Variants in GANAB observed in about 807,000 individuals in gnomAD.
GANAB encodes the protein neutral alpha-glucosidase AB.
Under a neutral mutation model 129.9 loss-of-function variants are expected in GANAB, and 35 were observed. The ratio of observed to expected loss-of-function variants is 0.27; its 90% CI spans 0.21 to 0.36. The LOEUF is 0.36. GANAB is among the 10% of genes least tolerant of loss of function. The pLI is 1.00. For synonymous variants in GANAB, 482 were observed against 451.8 expected (o/e 1.07, Z -0.85); for missense variants, 939 against 1,221.0 (o/e 0.77, Z 3.44).
chr11:62,629,330 G>A (rs1943551396), intron 15 of GANAB, 35 bp from the exon 16 acceptor site: 1 of 1,432,922 alleles, frequency 7.0e-7, no homozygotes, highest in South Asian at 1.1e-5. Flanking sequence ...CTTGCACATG[G>A]TAAAGGAGTT....
Position 62,630,809 on chromosome 11 carries a change from G to C in GANAB, c.1178C>G (p.Ser393Cys), listed in dbSNP as rs2134480573. ...CCAACGGCTCTGGTGGTAGCCGAGG[G>C]AGAAGAGTGGGGGCAACGCCTGGGT... is the stretch of plus-strand genomic sequence containing the variant. The part of the protein sequence containing the change: ...TGTQALPPLF[S>C]LGYHQSRWNY... The change falls in exon 11 of 24, where the codon TCC (serine) becomes TGC (cysteine). Residue 393 changes from serine (S) to cysteine (C), a missense_variant. Ser to Cys is a moderately radical substitution (Grantham distance 112). Transcript: ENST00000356638. 6.2e-7 allele frequency: 1 copy of C among 1,613,946 alleles called. No homozygotes were observed. The highest frequency in any genetic ancestry group is 1.3e-5 in the African/African-American group (1 of 75,022).
chr11:62,645,405 G>A (rs2134565476), intron 1 of GANAB, among the ~76,000 whole-genome samples: 1 of 152,110 alleles, frequency 6.6e-6, no homozygotes, highest in East Asian at 1.9e-4. Flanking sequence ...GCGTGGTGGC[G>A]GGTGCCTGTA....
chr11:62,635,913 A>G (rs1943920913), intron 4 of GANAB, among the ~76,000 whole-genome samples: 1 of 152,120 alleles, frequency 6.6e-6, no homozygotes, highest in Non-Finnish European at 1.5e-5. Flanking sequence ...TACAGGCATG[A>G]GCTACCACGC....
chr11:62,638,884 T>C (rs998546760), intron 4 of GANAB, 99 bp downstream of exon 4: 19 of 1,202,162 alleles, frequency 1.6e-5, no homozygotes, highest in South Asian at 2.6e-5. Flanking sequence ...GCTAGTTAAC[T>C]ACTACCTTAT....
In GANAB at chr11:62,646,574, G is replaced by A. The variant is rs1944496039; in HGVS notation, c.26C>T (p.Ala9Val). 1.9e-6 allele frequency: 3 copies of A among 1,613,500 alleles called. No homozygotes were observed. Among genetic ancestry groups the A allele is most frequent in the Admixed American group, 1.7e-5 (1 of 59,994 alleles). The change falls in exon 1 of 24, where the codon GCG becomes GTG. Residue 9 changes from alanine to valine, a missense_variant. Physicochemically the swap from Ala to Val is moderately conservative, Grantham distance 64. Transcript: ENST00000356638. Reference sequence around the variant, plus strand: ...CCGGGCTCCTCACCGCCTCCTACGCGCCGCCACTGCCGCTACCGCCGCCAT... The same window carrying A: ...CCGGGCTCCTCACCGCCTCCTACGCACCGCCACTGCCGCTACCGCCGCCAT... MAAVAAVA[A>V]RRRRSWASLV...
At chr11:62,638,091 C>T (rs983737216) in intron 4 of GANAB, among the ~76,000 whole-genome samples, 2 of 152,078 alleles carry the variant, frequency 1.3e-5, no homozygotes, top group East Asian at 1.9e-4. Flanking sequence ...TTCAGAATAA[C>T]GACTACCTAC....
Position 62,646,572 on chromosome 11 carries a change from G to GCGCCGCCACTGCCGCTAC in GANAB, c.10_27dup (p.Val4_Ala9dup), listed in dbSNP as rs1565116878. On this transcript the variant is annotated inframe_insertion, in exon 1 of 24. Coordinates refer to ENST00000356638, the MANE Select transcript of GANAB (RefSeq NM_198334.3). ...TTCCGGGCTCCTCACCGCCTCCTAC[G>GCGCCGCCACTGCCGCTAC]CGCCGCCACTGCCGCTACCGCCGCC... 6.2e-7 allele frequency: 1 copy of GCGCCGCCACTGCCGCTAC among 1,613,712 alleles called. No individual in the cohort carries two copies. Among genetic ancestry groups the GCGCCGCCACTGCCGCTAC allele is most frequent in the Admixed American group, 1.7e-5 (1 of 60,014 alleles).
chr11:62,645,888 G>A (rs1250135318), intron 1 of GANAB, among the ~76,000 whole-genome samples: 1 of 152,186 alleles, frequency 6.6e-6, no homozygotes, highest in Admixed American at 6.5e-5. Context: ...AACATTTGTG[G>A]CACTGGTGAT....
chr11:62,639,553 T>C (rs1279033002), intron 2 of GANAB, 74 bp downstream of exon 2: 17 of 1,430,760 alleles, frequency 1.2e-5, no homozygotes, highest in Non-Finnish European at 1.7e-5. Flanking sequence ...CCTTAGGCAC[T>C]CCATCTGCCA....
rs568504748 is a variant in GANAB, at chr11:62,630,371, C to G, written c.1513+8G>C. On this transcript the variant is annotated splice_region_variant and intron_variant, in intron 12 of 23. Transcript: ENST00000356638. ...AATCAACTCTCCCTCAATTCTGGGT[C>G]TGCTTACCTGGCCAGCACCAGCCCT... The G allele has an allele frequency of 1.2e-6, 2 of 1,614,160 alleles. No individual in the cohort carries two copies. Among genetic ancestry groups the G allele is most frequent in the African/African-American group, 2.7e-5 (2 of 75,056 alleles).
chr11:62,638,872 A>G, intron 4 of GANAB, 111 bp downstream of exon 4: 2 of 999,294 alleles, frequency 2.0e-6, no homozygotes, highest in Non-Finnish European at 3.1e-6. Flanking sequence ...GCAAGGTGCT[A>G]TGCTAGTTAA....
intron 17 of GANAB, among the ~76,000 whole-genome samples, 164 bp downstream of exon 17, chr11:62,628,605 A>G (rs1310374866): frequency 6.6e-6 from 1 of 152,060 alleles, no homozygotes; most frequent in Admixed American, 6.6e-5. Flanking sequence ...TTAAATGTTT[A>G]CTATTATTCA....
At position 62,632,607 on chromosome 11, in the gene GANAB, A is replaced by G; in HGVS notation, c.954T>C (p.Ala318=). 1 of 1,614,092 alleles carries G rather than the reference A, an allele frequency of 6.2e-7. No individual in the cohort carries two copies. Among genetic ancestry groups the G allele is most frequent in the Non-Finnish European group, 8.5e-7 (1 of 1,179,994 alleles). ...HRDLGIFWLN[A]AETWVDISSN... Reference sequence around the variant, plus strand: ...AAGATATATCAACCCAGGTCTCTGCAGCATTGAGCCAGAAGATGCCCAAGT... The same window carrying G: ...AAGATATATCAACCCAGGTCTCTGCGGCATTGAGCCAGAAGATGCCCAAGT... Residue 318 remains alanine, a synonymous_variant, in exon 9 of 24, where the codon GCT becomes GCC. Coordinates refer to ENST00000356638, the MANE Select transcript of GANAB (RefSeq NM_198334.3).
chr11:62,631,090 C>G lies in GANAB; in HGVS notation c.1090G>C (p.Val364Leu). The G allele has an allele frequency of 6.2e-7, 1 of 1,611,568 alleles. No homozygotes were observed. The highest frequency in any genetic ancestry group is 8.5e-7 in the Non-Finnish European group (1 of 1,177,816). The change falls in exon 10 of 24, where the codon GTC (valine) becomes CTC (leucine). Residue 364 changes from valine to leucine, a missense_variant. Physicochemically the swap from Val to Leu is conservative, Grantham distance 32. Transcript: ENST00000356638. ...RWMSETGIID[V>L]FLLLGPSISD... ...ATGGAGGGCCCCAGCAGCAGGAAGA[C>G]GTCAATGATGCCAGTCTCTGACATC...
rs553182716 is a variant in GANAB at position 62,625,429 on chromosome 11, T to C, written c.*386A>G. 2 of 395,584 alleles carry C rather than the reference T, an allele frequency of 5.1e-6. No homozygotes were observed. The highest frequency in any genetic ancestry group is 2.1e-5 in the African/African-American group (1 of 48,112). 24.5% of individuals were successfully genotyped at this position (395,584 alleles called of 1,614,324 possible). A position where few individuals can be genotyped will look rare whatever the true frequency, so the allele number is the denominator to read the frequency against. ...CCCTAACTCATTGCCCTCATCTTCT[T>C]CCAAGAAGTGGCATCAACATACAAG... On this transcript the variant is annotated 3_prime_UTR_variant, in exon 24 of 24. Coordinates refer to ENST00000356638, the MANE Select transcript of GANAB (RefSeq NM_198334.3).
At chr11:62,630,942 A>G in intron 10 of GANAB, 88 bp downstream of exon 10, 1 of 1,515,800 alleles carries the variant, frequency 6.6e-7, no homozygotes. Flanking sequence ...TAAACCTAGA[A>G]AACAAGCTGG....
In GANAB at chr11:62,639,429, C is replaced by T. The variant is rs772857100; in HGVS notation, c.182G>A (p.Arg61Gln). The T allele has an allele frequency of 1.9e-6, 3 of 1,613,788 alleles. No individual in the cohort carries two copies. The highest frequency in any genetic ancestry group is 1.7e-5 in the Admixed American group (1 of 59,980). Residue 61 changes from arginine to glutamine, a missense_variant, in exon 3 of 24, where the codon CGA becomes CAA. This residue lies in a region of GANAB where 321 missense variants were observed against 329.1 expected (regional missense o/e 0.98). Coordinates refer to ENST00000356638, the MANE Select transcript of GANAB (RefSeq NM_198334.3). ...AAGCTGTAGAGAGTCCAGCAAGGCTCGGTATGGAGAGAGGCCTGGCCGTAT... is the reference window on the plus strand; with the variant it reads ...AAGCTGTAGAGAGTCCAGCAAGGCTTGGTATGGAGAGAGGCCTGGCCGTAT... ...RSIRPGLSPY[R>Q]ALLDSLQLGP...
chr11:62,644,564 G>A (rs368440154), intron 1 of GANAB, among the ~76,000 whole-genome samples: 8 of 152,210 alleles, frequency 5.3e-5, no homozygotes, highest in African/African-American at 1.7e-4. Flanking sequence ...GAGGCTGCAT[G>A]AGCTACGATT....
chr11:62,642,437 C>CTT (rs769063549), intron 1 of GANAB, among the ~76,000 whole-genome samples: 3 of 140,788 alleles, frequency 2.1e-5, no homozygotes, highest in Non-Finnish European at 3.1e-5. Context: ...GGGCATCAGA[C>CTT]TTTTTTTTTT....
Sources: allele counts gnomAD v4.1 joint callset (sites outside exome capture counted in the v4.1 genomes callset), GRCh38; gene constraint gnomAD v4.1.1; regional missense constraint gnomAD v4.1.1; transcripts MANE v1.5; gene names NCBI Gene and HGNC (gene_info 2026-07-23, HGNC 2026-07-21).